WDR49: variants seen among roughly 807,000 people sequenced by gnomAD.
WDR49 encodes cilia- and flagella-associated protein 337.
Under a neutral mutation model 119.5 loss-of-function variants are expected in WDR49, and 107 were observed. The observed-to-expected ratio is 0.90, with a 90% CI of 0.77 to 1.05. WDR49 has a LOEUF of 1.05. Among genes scored for constraint, WDR49 ranks in the 50% least tolerant of loss-of-function variants. WDR49 has a pLI of 0.00. For synonymous variants in WDR49, 425 were observed against 418.8 expected (o/e 1.01, Z -0.18); for missense variants, 1,240 against 1,220.5 (o/e 1.02, Z -0.24).
chr3:167,515,023 A>G (rs1291009139), intron 16 of WDR49, among the ~76,000 whole-genome samples: 2 of 152,130 alleles, frequency 1.3e-5, no homozygotes, highest in Non-Finnish European at 2.9e-5. Context: ...CAAGGACCAG[A>G]GTGATTCACA....
intron 7 of WDR49, among the ~76,000 whole-genome samples, chr3:167,596,455 G>GACT (rs1211897437): frequency 5.6e-4 from 85 of 151,722 alleles, no homozygotes; most frequent in African/African-American, 2.0e-3. Context: ...CAATAGCAAA[G>GACT]ACTTGGAACC....
At chr3:167,588,943 G>A (rs1714966719) in intron 7 of WDR49, among the ~76,000 whole-genome samples, 1 of 151,436 alleles carries the variant, frequency 6.6e-6, no homozygotes, top group Admixed American at 6.6e-5. Context: ...TTAACTTAAT[G>A]TGATCCCACT....
intron 17 of WDR49, among the ~76,000 whole-genome samples, chr3:167,501,052 C>A (rs1044511622): frequency 2.6e-5 from 4 of 152,202 alleles, no homozygotes; most frequent in African/African-American, 4.8e-5. Context: ...TCAGAATCAT[C>A]TGGAGGGCTT....
At chr3:167,579,501 C>T (rs1714428568) in intron 7 of WDR49, among the ~76,000 whole-genome samples, 1 of 152,038 alleles carries the variant, frequency 6.6e-6, no homozygotes, top group Non-Finnish European at 1.5e-5. Context: ...ACTCTAACTA[C>T]CAGCCCTTAT....
intron 2 of WDR49, among the ~76,000 whole-genome samples, chr3:167,644,591 T>C (rs1264534229): frequency 6.6e-6 from 1 of 152,184 alleles, no homozygotes; most frequent in Admixed American, 6.5e-5. Flanking sequence ...TGATGAATAT[T>C]TGGGTTATAA....
chr3:167,497,875 C>CTTT (rs10634534), intron 18 of WDR49, among the ~76,000 whole-genome samples: 3,398 of 128,168 alleles, frequency 0.027, 214 homozygotes, highest in African/African-American at 0.09. Flanking sequence ...CATATTCATT[C>CTTT]TTTTTTTTTT....
In WDR49 at chr3:167,568,035, G is replaced by A. The variant is rs146723057; in HGVS notation, c.1510-7807C>T. On this transcript the variant is annotated intron_variant, in intron 8 of 18. Coordinates refer to ENST00000682715, the MANE Select transcript of WDR49 (RefSeq NM_001366157.1). ...GGCTGCATTTGCACAAAATAACAGA[G>A]TTGGTCTATCCCTTCCTGCCTTAAA... Among the ~76,000 whole-genome samples the A allele has an allele frequency of 3.9e-3, 600 of 152,304 alleles. 6 individuals are homozygous for A. The highest frequency in any genetic ancestry group is 0.019 in the East Asian group (96 of 5,182).
intron 11 of WDR49, 40 bp from the exon 12 acceptor site, chr3:167,533,017 T>C: frequency 6.9e-7 from 1 of 1,450,968 alleles, no homozygotes; most frequent in Non-Finnish European, 9.4e-7. Flanking sequence ...TGCCAGGAGA[T>C]TAAGATAGAA....
intron 7 of WDR49, among the ~76,000 whole-genome samples, chr3:167,597,200 C>T (rs1326807761): frequency 1.3e-5 from 2 of 152,122 alleles, no homozygotes; most frequent in Non-Finnish European, 2.9e-5. Context: ...CCCAGCTGCT[C>T]CAGCTCCAGC....
At chr3:167,623,465 A>G (rs944651486) in intron 3 of WDR49, among the ~76,000 whole-genome samples, 1 of 152,070 alleles carries the variant, frequency 6.6e-6, no homozygotes, top group Non-Finnish European at 1.5e-5. Context: ...AGATGCAAAC[A>G]ATGCATTTGA....
At position 167,563,353 on chromosome 3, in the gene WDR49, CAAAAAAAAAAAAAAA is replaced by C. The variant is rs61247447; in HGVS notation, c.1510-3140_1510-3126del. ...TGGGCTACAGAGCGAGATTCTGAATCAAAAAAAAAAAAAAAAAAAAAAAAGAAAGAAACCTGATTT... is the reference window on the plus strand; with the variant it reads ...TGGGCTACAGAGCGAGATTCTGAATCAAAAAAAAAGAAAGAAACCTGATTT... On this transcript the variant is annotated intron_variant, in intron 8 of 18. Transcript: ENST00000682715. Among the ~76,000 whole-genome samples the C allele has an allele frequency of 3.6e-3, 203 of 55,900 alleles. 2 individuals carry two copies. The Admixed American group carries it at 0.038, about 10-fold the overall frequency. The allele number at this position is 55,900 out of a possible 152,430, so 36.7% of individuals were successfully genotyped here.
Position 167,620,591 on chromosome 3 carries a change from C to A in WDR49, c.796G>T (p.Ala266Ser), listed in dbSNP as rs1207208093. 10 of 1,534,018 alleles carry A rather than the reference C, an allele frequency of 6.5e-6. No individual in the cohort carries two copies. The South Asian group carries it at 1.2e-4, about 18-fold the overall frequency. The change falls in exon 5 of 19, where the codon GCT becomes TCT. Residue 266 changes from alanine to serine, a missense_variant. Ala to Ser is a moderately conservative substitution (Grantham distance 99). Coordinates refer to ENST00000682715, the MANE Select transcript of WDR49 (RefSeq NM_001366157.1). ...AGGGAAATCAAGGCTGCGGTGAAAGCAATTGCTTGAACCTTGACAGAGACA... is the reference window on the plus strand; with the variant it reads ...AGGGAAATCAAGGCTGCGGTGAAAGAAATTGCTTGAACCTTGACAGAGACA... ...GDITGKVQAI[A>S]FTAALISLFE... is the part of the protein sequence containing the mutation.
At chr3:167,583,530 A>G (rs990576928) in intron 7 of WDR49, among the ~76,000 whole-genome samples, 2 of 152,254 alleles carry the variant, frequency 1.3e-5, no homozygotes, top group East Asian at 3.9e-4. Context: ...CCCTGTCTCT[A>G]TAAAAAAAAT....
At chr3:167,634,387 G>T (rs1004884223) in intron 2 of WDR49, among the ~76,000 whole-genome samples, 3 of 151,816 alleles carry the variant, frequency 2.0e-5, no homozygotes, top group African/African-American at 4.8e-5. Flanking sequence ...AATTGTTGTT[G>T]CAAGAGCCAG....
intron 2 of WDR49, among the ~76,000 whole-genome samples, chr3:167,643,760 G>T (rs544770481): frequency 1.3e-5 from 2 of 152,126 alleles, no homozygotes; most frequent in South Asian, 4.1e-4. Flanking sequence ...AATACCTGTT[G>T]TAAGAATGAG....
intron 10 of WDR49, among the ~76,000 whole-genome samples, chr3:167,550,135 C>G (rs1712463742): frequency 6.6e-6 from 1 of 152,118 alleles, no homozygotes; most frequent in Non-Finnish European, 1.5e-5. Context: ...TGTGATGCCT[C>G]CAGCTTTGTT....
At chr3:167,569,601 G>T (rs1005236517) in intron 8 of WDR49, among the ~76,000 whole-genome samples, 3 of 151,106 alleles carry the variant, frequency 2.0e-5, no homozygotes, top group South Asian at 4.2e-4. Context: ...GGAAGCTGAG[G>T]CAGGACAGTC....
At position 167,532,933 on chromosome 3, in the gene WDR49, T is replaced by C. The variant is rs1752899921; in HGVS notation, c.1999A>G (p.Asn667Asp). ...EIVLWNNSTE[N>D]AHHVLHPDYQ... is the part of the protein sequence containing the mutation. ...TCAGGGTGAAGAACATGGTGAGCAT[T>C]CTCTGTGCTATTGTTCCATAGAACA... The change falls in exon 12 of 19, where the codon AAT (asparagine) becomes GAT (aspartate). Residue 667 changes from asparagine (N) to aspartate (D), a missense_variant. Coordinates refer to ENST00000682715, the MANE Select transcript of WDR49 (RefSeq NM_001366157.1). The C allele has an allele frequency of 6.2e-7, 1 of 1,609,834 alleles. No homozygotes were observed. The highest frequency in any genetic ancestry group is 8.5e-7 in the Non-Finnish European group (1 of 1,177,200).
At chr3:167,579,499 T>C (rs1714428448) in intron 7 of WDR49, among the ~76,000 whole-genome samples, 1 of 152,156 alleles carries the variant, frequency 6.6e-6, no homozygotes, top group South Asian at 2.1e-4. Context: ...TTACTCTAAC[T>C]ACCAGCCCTT....
Sources: allele counts gnomAD v4.1 joint callset (sites outside exome capture counted in the v4.1 genomes callset), GRCh38; gene constraint gnomAD v4.1.1; transcripts MANE v1.5; gene names NCBI Gene and HGNC (gene_info 2026-07-23, HGNC 2026-07-21).